Variants in THADA observed in about 807,000 individuals in gnomAD.
THADA encodes tRNA (32-2'-O)-methyltransferase regulator THADA.
THADA carries 213 observed loss-of-function variants against 219.8 expected under a neutral mutation model. That is an observed-to-expected ratio of 0.97 (90% CI 0.87 to 1.09). The LOEUF (loss-of-function observed/expected upper bound fraction) is 1.09, where lower values mean the gene tolerates loss of function less well. Among genes scored for constraint, THADA ranks in the 50% least tolerant of loss-of-function variants. THADA has a pLI of 0.00. For missense variants in THADA, 2,956 were observed against 2,311.3 expected (o/e 1.28, Z -5.72); for synonymous variants, 1,018 against 828.9 (o/e 1.23, Z -3.92).
chr2:43,468,283 T>C (rs146202627), intron 26 of THADA, among the ~76,000 whole-genome samples: 36 of 152,304 alleles, frequency 2.4e-4, no homozygotes, highest in Admixed American at 3.9e-4. Context: ...AAAAATCTGG[T>C]TTAGTTTATG....
At chr2:43,416,682 C>T (rs1460374088) in intron 28 of THADA, among the ~76,000 whole-genome samples, 1 of 152,132 alleles carries the variant, frequency 6.6e-6, no homozygotes, top group Non-Finnish European at 1.5e-5. Flanking sequence ...GTACCCTCCA[C>T]ACAGGTTTTG....
chr2:43,535,694 A>AAAAAAAG (rs1558928517), intron 21 of THADA, among the ~76,000 whole-genome samples: 31 of 151,448 alleles, frequency 2.0e-4, no homozygotes, highest in Non-Finnish European at 3.5e-4. Flanking sequence ...AAAAAAAAAA[A>AAAAAAAG]AAAAAAGAAA....
intron 36 of THADA, 115 bp from the exon 37 acceptor site, chr2:43,232,997 TG>T: frequency 8.7e-7 from 1 of 1,153,510 alleles, no homozygotes; most frequent in Non-Finnish European, 1.2e-6. Flanking sequence ...GCCACCAGCC[TG>T]GCAGGGAAGC....
At chr2:43,518,231 C>T (rs754080691) in intron 22 of THADA, among the ~76,000 whole-genome samples, 11 of 152,082 alleles carry the variant, frequency 7.2e-5, no homozygotes, top group Non-Finnish European at 1.0e-4. Context: ...AATTTACTAA[C>T]TTCATTGAAT....
chr2:43,433,504 G>A (rs1679655398), intron 26 of THADA, among the ~76,000 whole-genome samples: 1 of 151,840 alleles, frequency 6.6e-6, no homozygotes, highest in Admixed American at 6.6e-5. Context: ...ACTCCAGCCT[G>A]GGCGACAGAG....
chr2:43,591,132 G>A (rs1701521664), intron 3 of THADA, among the ~76,000 whole-genome samples, 178 bp from the exon 4 acceptor site: 1 of 151,900 alleles, frequency 6.6e-6, no homozygotes, highest in African/African-American at 2.4e-5. Context: ...AGACAAGCTC[G>A]GGCAACATGG....
At chr2:43,551,511 G>A (rs1235714238) in intron 19 of THADA, among the ~76,000 whole-genome samples, 1 of 151,308 alleles carries the variant, frequency 6.6e-6, no homozygotes, top group Admixed American at 6.6e-5. Flanking sequence ...TCAGATTTGG[G>A]ATGTTCAACT....
At chr2:43,534,632 C>T (rs1017409174) in intron 21 of THADA, among the ~76,000 whole-genome samples, 1 of 152,140 alleles carries the variant, frequency 6.6e-6, no homozygotes, top group Non-Finnish European at 1.5e-5. Flanking sequence ...CATGTAGCTG[C>T]GAATGACAGT....
At chr2:43,345,488 G>A (rs146104069) in intron 29 of THADA, among the ~76,000 whole-genome samples, 254 of 152,330 alleles carry the variant, frequency 1.7e-3, no homozygotes, top group African/African-American at 5.9e-3. Flanking sequence ...AAAATGCTTT[G>A]TCTAATAATG....
chr2:43,397,761 A>G (rs908317104), intron 29 of THADA, among the ~76,000 whole-genome samples: 2 of 152,144 alleles, frequency 1.3e-5, no homozygotes, highest in Admixed American at 1.3e-4. Context: ...AAAAGATAAT[A>G]TAAGAGAATC....
At chr2:43,343,009 T>C (rs1224519467) in intron 30 of THADA, 2 of 152,152 alleles carry the variant, frequency 1.3e-5, no homozygotes, top group Non-Finnish European at 1.5e-5. Flanking sequence ...ACTTGTTTGT[T>C]TCTCAAACTC....
Position 43,574,959 on chromosome 2 carries a change from T to C in THADA, c.1106A>G (p.Gln369Arg), listed in dbSNP as rs748656149. The change falls in exon 11 of 38, where the codon CAA becomes CGA. Residue 369 changes from glutamine (Q) to arginine (R), a missense_variant. Physicochemically the swap from Gln to Arg is conservative, Grantham distance 43. Coordinates refer to ENST00000405975, the MANE Select transcript of THADA (RefSeq NM_022065.5). Reference sequence around the variant, plus strand: ...GCTCGGGGAACTTGATTCAAGGACTTGTATGGCTGAATTAGTCCAGGATGC... The same window carrying C: ...GCTCGGGGAACTTGATTCAAGGACTCGTATGGCTGAATTAGTCCAGGATGC... ...ILASWTNSAI[Q>R]VLESSSPSLT... 6.2e-6 allele frequency: 10 copies of C among 1,614,036 alleles called. No individual in the cohort carries two copies. Among genetic ancestry groups the C allele is most frequent in the South Asian group, 2.2e-5 (2 of 91,086 alleles).
At chr2:43,298,024 G>A (rs1675782438) in intron 31 of THADA, among the ~76,000 whole-genome samples, 2 of 111,942 alleles carry the variant, frequency 1.8e-5, no homozygotes, top group Admixed American at 1.6e-4. Flanking sequence ...CCCCGGCCCG[G>A]CCAGCCGCCC....
intron 29 of THADA, among the ~76,000 whole-genome samples, chr2:43,370,616 C>CA (rs991698787): frequency 6.6e-6 from 1 of 151,972 alleles, no homozygotes; most frequent in African/African-American, 2.4e-5. Flanking sequence ...ATATAATATC[C>CA]AAAAAAATAA....
intron 28 of THADA, among the ~76,000 whole-genome samples, chr2:43,402,238 G>C (rs1285757249): frequency 6.6e-6 from 1 of 152,154 alleles, no homozygotes; most frequent in Non-Finnish European, 1.5e-5. Context: ...CACCAGCTTA[G>C]AGGCGATATA....
intron 28 of THADA, among the ~76,000 whole-genome samples, chr2:43,426,989 G>T (rs187112535): frequency 6.6e-6 from 1 of 152,266 alleles, no homozygotes; most frequent in East Asian, 1.9e-4. Context: ...GTAATCAGAA[G>T]ACGGCAAATG....
intron 31 of THADA, among the ~76,000 whole-genome samples, chr2:43,317,312 T>C (rs1480699242): frequency 6.6e-6 from 1 of 152,236 alleles, no homozygotes; most frequent in Non-Finnish European, 1.5e-5. Flanking sequence ...TGTATTTTGA[T>C]AACAGCTGTT....
chr2:43,334,645 G>A (rs1464531945), intron 30 of THADA, among the ~76,000 whole-genome samples: 1 of 152,004 alleles, frequency 6.6e-6, no homozygotes, highest in Non-Finnish European at 1.5e-5. Context: ...CGTGGTGGCG[G>A]GCGCCTGTAG....
intron 29 of THADA, among the ~76,000 whole-genome samples, chr2:43,396,665 G>C (rs1674078230): frequency 6.6e-6 from 1 of 151,930 alleles, no homozygotes; most frequent in Non-Finnish European, 1.5e-5. Context: ...GTGACTGTGG[G>C]GACAGGGGGG....
Sources: gnomAD v4.1 joint callset for allele counts (sites outside exome capture counted in the v4.1 genomes callset) on GRCh38, gnomAD v4.1.1 for gene constraint, MANE v1.5 for transcripts, NCBI Gene and HGNC (gene_info 2026-07-23, HGNC 2026-07-21) for gene names.